The following SDK1 variants were observed in gnomAD, a reference collection of about 807,000 sequenced individuals.
SDK1 encodes the protein sidekick cell adhesion molecule 1.
A neutral mutation model predicts 245.5 loss-of-function variants in SDK1; 157 were observed. The ratio of observed to expected loss-of-function variants is 0.64; its 90% confidence interval spans 0.56 to 0.73. The LOEUF (loss-of-function observed/expected upper bound fraction) is 0.73. Ranked by LOEUF, SDK1 falls within the 30% of genes least tolerant of loss-of-function variation. The pLI, the probability that SDK1 is intolerant of heterozygous loss-of-function variation, is 0.00. For missense variants in SDK1, 3,583 were observed against 3,002.3 expected, an observed-to-expected ratio of 1.19 and a Z score of -4.52; for synonymous variants, 1,647 against 1,278.5, an observed-to-expected ratio of 1.29 and a Z score of -6.15.
intron 35 of SDK1, among the ~76,000 whole-genome samples, chr7:4,182,574 T>C (rs1782660826): frequency 6.6e-6 from 1 of 152,198 alleles, no homozygotes; most frequent in Non-Finnish European, 1.5e-5. Context: ...CAGTGTCTCA[T>C]AGCAGGGCTG....
intron 1 of SDK1, among the ~76,000 whole-genome samples, chr7:3,503,207 C>G (rs1782274084): frequency 6.6e-6 from 1 of 152,138 alleles, no homozygotes; most frequent in Admixed American, 6.6e-5. Context: ...AATTTGTCAA[C>G]TCCCTGGAAG....
At chr7:3,458,150 T>C (rs1183775190) in intron 1 of SDK1, among the ~76,000 whole-genome samples, 1 of 152,074 alleles carries the variant, frequency 6.6e-6, no homozygotes, top group Non-Finnish European at 1.5e-5. Flanking sequence ...TGCATTGATA[T>C]TCGTTGATGT....
intron 4 of SDK1, among the ~76,000 whole-genome samples, chr7:3,689,416 A>C (rs544802516): frequency 6.6e-6 from 1 of 152,312 alleles, no homozygotes; most frequent in South Asian, 2.1e-4. Context: ...AACCTGGTAC[A>C]AGCTAAGCAG....
intron 5 of SDK1, among the ~76,000 whole-genome samples, chr7:3,841,207 G>A (rs1448761221): frequency 2.0e-5 from 3 of 152,178 alleles, no homozygotes; most frequent in Admixed American, 6.5e-5. Flanking sequence ...CATGTATCAG[G>A]TGATCCAGAA....
intron 4 of SDK1, among the ~76,000 whole-genome samples, chr7:3,650,173 C>T (rs973000134): frequency 6.6e-6 from 1 of 152,180 alleles, no homozygotes; most frequent in Non-Finnish European, 1.5e-5. Flanking sequence ...CTTTGGCCTC[C>T]CAGAGCGCTG....
chr7:3,457,790 C>G (rs1200683950), intron 1 of SDK1, among the ~76,000 whole-genome samples: 2 of 152,170 alleles, frequency 1.3e-5, no homozygotes. Flanking sequence ...TTCTCCCTGT[C>G]TCCTTTGTTG....
chr7:4,028,054 A>G (rs1787497089), intron 17 of SDK1, among the ~76,000 whole-genome samples: 1 of 151,900 alleles, frequency 6.6e-6, no homozygotes, highest in African/African-American at 2.4e-5. Context: ...GGGAGGAGAA[A>G]ATAAGTAGAA....
intron 20 of SDK1, among the ~76,000 whole-genome samples, chr7:4,069,864 G>T (rs1173064337): frequency 2.6e-5 from 4 of 152,228 alleles, no homozygotes; most frequent in Admixed American, 2.6e-4. Context: ...CGATGACAAG[G>T]CTGAGGTTTA....
chr7:4,012,786 C>T (rs1786093862), intron 16 of SDK1, among the ~76,000 whole-genome samples: 1 of 151,730 alleles, frequency 6.6e-6, no homozygotes, highest in Non-Finnish European at 1.5e-5. Flanking sequence ...GGTGACCAAG[C>T]TGGTCTCAAA....
chr7:3,538,069 A>C (rs373017478), intron 1 of SDK1, among the ~76,000 whole-genome samples: 1 of 152,212 alleles, frequency 6.6e-6, no homozygotes, highest in Admixed American at 6.5e-5. Flanking sequence ...CTGGGTGGGA[A>C]GACATGACAG....
intron 1 of SDK1, among the ~76,000 whole-genome samples, chr7:3,349,993 G>A (rs1780615114): frequency 6.6e-6 from 1 of 152,178 alleles, no homozygotes; most frequent in Non-Finnish European, 1.5e-5. Context: ...TGAAGTAGCA[G>A]GTAGAGGATG....
intron 22 of SDK1, among the ~76,000 whole-genome samples, chr7:4,103,691 G>GAGAT (rs1380124920): frequency 6.6e-6 from 1 of 152,234 alleles, no homozygotes; most frequent in Non-Finnish European, 1.5e-5. Context: ...GACCCTGGGA[G>GAGAT]AGATGCTGGA....
chr7:3,792,927 G>T (rs1404649169), intron 4 of SDK1, among the ~76,000 whole-genome samples: 1 of 152,186 alleles, frequency 6.6e-6, no homozygotes, highest in East Asian at 1.9e-4. Flanking sequence ...AGTGCATTCA[G>T]TTCTGCTTTG....
chr7:3,895,852 A>G (rs1400744458), intron 5 of SDK1, among the ~76,000 whole-genome samples: 1 of 152,118 alleles, frequency 6.6e-6, no homozygotes, highest in Non-Finnish European at 1.5e-5. Context: ...TGGATTATTT[A>G]TAAGTGTGTT....
At position 3,573,967 on chromosome 7, in the gene SDK1, C is replaced by T. The variant is rs547944528; in HGVS notation, c.299-45113C>T. ...GCATTTACTGAATGCTTACTAAAGG[C>T]AGGGCTGTATTTTACATATCATTCT... On this transcript the variant is annotated intron_variant, in intron 1 of 44. Transcript: ENST00000404826. 7.2e-5 allele frequency among the ~76,000 whole-genome samples: 11 copies of T among 152,034 alleles called. No homozygotes were observed. The South Asian group carries it at 1.9e-3, about 26-fold the overall frequency.
intron 4 of SDK1, among the ~76,000 whole-genome samples, chr7:3,818,741 G>A (rs1168758981): frequency 6.6e-6 from 1 of 152,194 alleles, no homozygotes; most frequent in Non-Finnish European, 1.5e-5. Context: ...TTGGCTCTAT[G>A]AGATAATGAA....
chr7:3,366,187 TTAAA>T (rs1196460113), intron 1 of SDK1, among the ~76,000 whole-genome samples: 1 of 152,212 alleles, frequency 6.6e-6, no homozygotes, highest in Non-Finnish European at 1.5e-5. Flanking sequence ...GAAGTCAAAA[TTAAA>T]TAAAAAGTTC....
intron 1 of SDK1, among the ~76,000 whole-genome samples, chr7:3,461,125 A>G (rs1780818863): frequency 6.6e-6 from 1 of 152,304 alleles, no homozygotes; most frequent in Non-Finnish European, 1.5e-5. Flanking sequence ...GTACAAACCA[A>G]TTAGGAGAGC....
chr7:3,604,468 A>G (rs1781353786), intron 1 of SDK1, among the ~76,000 whole-genome samples: 1 of 152,108 alleles, frequency 6.6e-6, no homozygotes, highest in Non-Finnish European at 1.5e-5. Context: ...TTAGTGCTAT[A>G]CATTTTCCTC....
Sources: allele counts gnomAD v4.1 joint callset (sites outside exome capture counted in the v4.1 genomes callset), GRCh38; gene constraint gnomAD v4.1.1; transcripts MANE v1.5; gene names NCBI Gene and HGNC (gene_info 2026-07-23, HGNC 2026-07-21).